RALYL: variants seen among roughly 807,000 people sequenced by gnomAD.
RALYL encodes RNA-binding Raly-like protein.
A neutral mutation model predicts 35.1 loss-of-function variants in RALYL; 29 were observed. The ratio of observed to expected loss-of-function variants is 0.83; its 90% CI spans 0.61 to 1.13. The LOEUF (loss-of-function observed/expected upper bound fraction) is 1.13. Ranked by LOEUF, RALYL falls within the 50% of genes most tolerant of loss-of-function variation. The pLI, the probability that RALYL is intolerant of heterozygous loss-of-function variation, is 0.00. For missense variants in RALYL, 359 were observed against 360.4 expected, an observed-to-expected ratio of 1.00 and a Z score of 0.03; for synonymous variants, 120 against 127.6, an observed-to-expected ratio of 0.94 and a Z score of 0.40.
chr8:84,259,432 T>C (rs1831786006), intron 1 of RALYL, among the ~76,000 whole-genome samples: 1 of 152,156 alleles, frequency 6.6e-6, no homozygotes, highest in Non-Finnish European at 1.5e-5. Context: ...TTTCCTGTGA[T>C]GTATGTAGGG....
At position 84,404,970 on chromosome 8, in the gene RALYL, C is replaced by T. The variant is rs115535894; in HGVS notation, c.-23-124329C>T. ...ATTGACCACATAATTGGAAATAAAA[C>T]ATTCTTCATCAAATGCAAAAGAGTG... is the stretch of plus-strand genomic sequence containing the variant. On this transcript the variant is annotated intron_variant, in intron 1 of 8. Coordinates refer to ENST00000521268, the MANE Select transcript of RALYL (RefSeq NM_173848.7). 9.3e-3 allele frequency among the ~76,000 whole-genome samples: 1,410 copies of T among 152,246 alleles called. 12 individuals are homozygous for T. The highest frequency in any genetic ancestry group is 0.031 in the African/African-American group (1,303 of 41,530).
At chr8:84,493,629 T>C (rs1213970599) in intron 1 of RALYL, among the ~76,000 whole-genome samples, 3 of 152,190 alleles carry the variant, frequency 2.0e-5, no homozygotes, top group African/African-American at 7.2e-5. Flanking sequence ...AGATGGTATC[T>C]CGTTGTGGTT....
intron 2 of RALYL, among the ~76,000 whole-genome samples, chr8:84,595,686 G>C (rs1309008946): frequency 6.6e-6 from 1 of 151,318 alleles, no homozygotes; most frequent in Non-Finnish European, 1.5e-5. Flanking sequence ...ACTGACAAGG[G>C]TCATAGAAAA....
intron 4 of RALYL, among the ~76,000 whole-genome samples, chr8:84,834,402 G>C (rs1192438049): frequency 6.6e-6 from 1 of 152,230 alleles, no homozygotes; most frequent in Non-Finnish European, 1.5e-5. Context: ...CAGCTGACTT[G>C]AGGTCAGAGA....
At chr8:84,245,252 A>G (rs1046021808) in intron 1 of RALYL, among the ~76,000 whole-genome samples, 3 of 152,158 alleles carry the variant, frequency 2.0e-5, no homozygotes, top group African/African-American at 7.2e-5. Context: ...CGGAAAGGTA[A>G]TCTGGAACAA....
chr8:84,749,592 C>T (rs1809466966), intron 2 of RALYL, among the ~76,000 whole-genome samples: 1 of 152,104 alleles, frequency 6.6e-6, no homozygotes, highest in Non-Finnish European at 1.5e-5. Context: ...GATAGCAAAA[C>T]TCAGTTGAAT....
chr8:84,599,120 G>A (rs1462588010), intron 2 of RALYL, among the ~76,000 whole-genome samples: 1 of 151,738 alleles, frequency 6.6e-6, no homozygotes, highest in African/African-American at 2.4e-5. Flanking sequence ...TTATTTAGAT[G>A]TAAAAATAAA....
intron 2 of RALYL, among the ~76,000 whole-genome samples, chr8:84,533,013 T>A (rs999591650): frequency 6.6e-5 from 10 of 152,144 alleles, no homozygotes; most frequent in Admixed American, 6.5e-4. Context: ...GCATTTTGAC[T>A]CATATTACTT....
chr8:84,219,776 A>G (rs1199804545), intron 1 of RALYL, among the ~76,000 whole-genome samples: 1 of 152,072 alleles, frequency 6.6e-6, no homozygotes, highest in Non-Finnish European at 1.5e-5. Context: ...ACAGGATAGT[A>G]GGACCTATAA....
At chr8:84,652,810 C>T (rs558756251) in intron 2 of RALYL, among the ~76,000 whole-genome samples, 23 of 152,066 alleles carry the variant, frequency 1.5e-4, no homozygotes, top group African/African-American at 5.3e-4. Flanking sequence ...TGTTGCCTAT[C>T]CGGCTTAGCA....
chr8:84,453,710 T>C (rs1466982763), intron 1 of RALYL, among the ~76,000 whole-genome samples: 1 of 152,024 alleles, frequency 6.6e-6, no homozygotes, highest in Admixed American at 6.6e-5. Flanking sequence ...GTCAATGACA[T>C]TGAACATCTC....
chr8:84,656,383 T>C (rs1201684110), intron 2 of RALYL, among the ~76,000 whole-genome samples: 1 of 152,138 alleles, frequency 6.6e-6, no homozygotes, highest in Non-Finnish European at 1.5e-5. Context: ...TATAGGAATA[T>C]GACCAGACTC....
At chr8:84,305,616 G>T (rs1159490481) in intron 1 of RALYL, among the ~76,000 whole-genome samples, 2 of 152,138 alleles carry the variant, frequency 1.3e-5, no homozygotes, top group African/African-American at 4.8e-5. Context: ...GGCATAGATT[G>T]GATTAGTAGT....
At chr8:84,784,129 C>T (rs1259851422) in intron 3 of RALYL, among the ~76,000 whole-genome samples, 1 of 152,194 alleles carries the variant, frequency 6.6e-6, no homozygotes, top group Non-Finnish European at 1.5e-5. Flanking sequence ...GAACCCTGTG[C>T]TCCACCTCCT....
intron 1 of RALYL, among the ~76,000 whole-genome samples, chr8:84,377,481 A>G (rs1183226644): frequency 7.9e-6 from 1 of 125,808 alleles, no homozygotes. Context: ...TTTTTCTTAA[A>G]CTGATCCCAT....
chr8:84,360,403 A>C (rs1448475676), intron 1 of RALYL, among the ~76,000 whole-genome samples: 1 of 152,222 alleles, frequency 6.6e-6, no homozygotes, highest in Non-Finnish European at 1.5e-5. Flanking sequence ...ATCCACTTAC[A>C]AACTTCTTAC....
chr8:84,246,382 C>T (rs1002263828), intron 1 of RALYL, among the ~76,000 whole-genome samples: 3 of 152,046 alleles, frequency 2.0e-5, no homozygotes, highest in Non-Finnish European at 4.4e-5. Context: ...TATATGACAA[C>T]AAATCATAAT....
intron 2 of RALYL, among the ~76,000 whole-genome samples, chr8:84,579,424 C>T (rs1252153641): frequency 5.9e-5 from 9 of 152,138 alleles, no homozygotes; most frequent in African/African-American, 9.7e-5. Context: ...TGCCCAGGAG[C>T]GTGGGGCTCC....
chr8:84,250,200 A>G (rs1829904477), intron 1 of RALYL, among the ~76,000 whole-genome samples: 3 of 152,112 alleles, frequency 2.0e-5, no homozygotes, highest in African/African-American at 7.2e-5. Flanking sequence ...GGTTCACAAT[A>G]GTGTTCTAAA....
Sources: gnomAD v4.1 joint callset for allele counts (sites outside exome capture counted in the v4.1 genomes callset) on GRCh38, gnomAD v4.1.1 for gene constraint, MANE v1.5 for transcripts, NCBI Gene and HGNC (gene_info 2026-07-23, HGNC 2026-07-21) for gene names.